The following ANO3 variants were observed in gnomAD, a reference collection of about 807,000 sequenced individuals.
The protein encoded by ANO3 is anoctamin-3.
A neutral mutation model predicts 144.8 loss-of-function variants in ANO3; 99 were observed. That is an observed-to-expected ratio of 0.68 (90% CI 0.58 to 0.81). The LOEUF is 0.81. Ranked by LOEUF, ANO3 falls within the 30% of genes least tolerant of loss-of-function variation. ANO3 has a pLI of 0.00. For synonymous variants in ANO3, 414 were observed against 392.6 expected (o/e 1.05, Z -0.64); for missense variants, 905 against 1,202.2 (o/e 0.75, Z 3.66).
intron 4 of ANO3, among the ~76,000 whole-genome samples, chr11:26,483,158 C>T (rs1038283817): frequency 6.6e-6 from 1 of 151,966 alleles, no homozygotes; most frequent in African/African-American, 2.4e-5. Context: ...GTTTTCCATA[C>T]AGGTAGTATT....
Position 26,246,481 on chromosome 11 carries a change from T to TA in ANO3, c.154+57151_154+57152insA, listed in dbSNP as rs1254552680. On this transcript the variant is annotated intron_variant, in intron 1 of 27. Coordinates refer to the ANO3 transcript ENST00000672621. ...TTATATATATATATATATATATATA[T>TA]TATGAGTATAAACTGAACATCTTAT... 1.1e-3 allele frequency among the ~76,000 whole-genome samples: 164 copies of TA among 147,566 alleles called. 1 individual carries two copies. Among genetic ancestry groups the TA allele is most frequent in the African/African-American group, 3.2e-3 (128 of 40,528 alleles).
At chr11:26,217,019 C>T (rs977980836) in intron 1 of ANO3, among the ~76,000 whole-genome samples, 53 of 151,940 alleles carry the variant, frequency 3.5e-4, no homozygotes, top group Non-Finnish European at 6.8e-4. Context: ...GTAGCTTATG[C>T]TTTCATTCTC....
At chr11:26,519,245 A>G (rs1022239761) in intron 6 of ANO3, among the ~76,000 whole-genome samples, 1 of 152,196 alleles carries the variant, frequency 6.6e-6, no homozygotes, top group Non-Finnish European at 1.5e-5. Context: ...CTGAATGAAT[A>G]TGGTATAAAA....
At chr11:26,535,776 G>A (rs745411029) in intron 9 of ANO3, among the ~76,000 whole-genome samples, 2 of 151,104 alleles carry the variant, frequency 1.3e-5, no homozygotes, top group African/African-American at 4.9e-5. Context: ...GTAGACACGG[G>A]GTTTCACTGT....
intron 1 of ANO3, among the ~76,000 whole-genome samples, chr11:26,388,703 AT>A (rs1206924182): frequency 6.6e-6 from 1 of 152,136 alleles, no homozygotes; most frequent in African/African-American, 2.4e-5. Flanking sequence ...ATCATGACTG[AT>A]TTTTTATATT....
At chr11:26,656,012 A>G in intron 24 of ANO3, 113 bp from the exon 25 acceptor site, 2 of 835,354 alleles carry the variant, frequency 2.4e-6, no homozygotes, top group Non-Finnish European at 3.7e-6. Flanking sequence ...CTAAAAGTTT[A>G]TCATTAGAAT....
chr11:26,404,341 T>C (rs1857223080), intron 1 of ANO3, among the ~76,000 whole-genome samples: 1 of 151,878 alleles, frequency 6.6e-6, no homozygotes, highest in African/African-American at 2.4e-5. Flanking sequence ...ATTCTGGGCT[T>C]ACATAGTTTA....
At chr11:26,262,027 T>C (rs1853201979) in intron 1 of ANO3, among the ~76,000 whole-genome samples, 1 of 152,214 alleles carries the variant, frequency 6.6e-6, no homozygotes, top group African/African-American at 2.4e-5. Context: ...TATCATCGTC[T>C]GTGATAGCAG....
At chr11:26,600,055 C>T (rs1311167763) in intron 17 of ANO3, among the ~76,000 whole-genome samples, 1 of 151,958 alleles carries the variant, frequency 6.6e-6, no homozygotes, top group Non-Finnish European at 1.5e-5. Context: ...TTAAAATCAT[C>T]CCAATAAACT....
chr11:26,412,008 A>G (rs890415176), intron 1 of ANO3, among the ~76,000 whole-genome samples: 4 of 152,156 alleles, frequency 2.6e-5, no homozygotes, highest in African/African-American at 7.2e-5. Flanking sequence ...CATCAAATCA[A>G]TCATTACACA....
intron 10 of ANO3, among the ~76,000 whole-genome samples, 157 bp downstream of exon 10, chr11:26,537,618 T>C (rs972750387): frequency 6.6e-6 from 1 of 152,192 alleles, no homozygotes; most frequent in Non-Finnish European, 1.5e-5. Context: ...TTTGTGGCTG[T>C]GCACTGGCTC....
At chr11:26,653,118 T>C (rs1335963281) in intron 24 of ANO3, among the ~76,000 whole-genome samples, 1 of 152,162 alleles carries the variant, frequency 6.6e-6, no homozygotes, top group Non-Finnish European at 1.5e-5. Flanking sequence ...TCTAATTCAG[T>C]TTCATGGATC....
intron 6 of ANO3, among the ~76,000 whole-genome samples, chr11:26,525,325 AT>A (rs1359043203): frequency 6.6e-6 from 1 of 152,106 alleles, no homozygotes; most frequent in Non-Finnish European, 1.5e-5. Flanking sequence ...TAAGAAAATA[AT>A]TCAATTAGTA....
intron 1 of ANO3, among the ~76,000 whole-genome samples, chr11:26,378,418 T>TC (rs1201897115): frequency 0.099 from 3,560 of 36,104 alleles, 151 homozygotes; most frequent in African/African-American, 0.19. Context: ...ATATATATTA[T>TC]TTATCTATCT....
At chr11:26,384,624 T>G (rs563832180) in intron 1 of ANO3, among the ~76,000 whole-genome samples, 16 of 152,196 alleles carry the variant, frequency 1.1e-4, no homozygotes, top group Non-Finnish European at 1.9e-4. Flanking sequence ...TCCTTTTAGT[T>G]CTACTCCAAA....
At chr11:26,624,055 G>A (rs10835026) in intron 17 of ANO3, among the ~76,000 whole-genome samples, 42,333 of 152,042 alleles carry the variant, frequency 0.28, 6,395 homozygotes, top group South Asian at 0.45. Context: ...CAAAGTGCTG[G>A]GATTACAGGC....
rs1304303852 is a variant in ANO3 at position 26,453,548 on chromosome 11, C to T, written c.314-9482C>T. 2.0e-5 allele frequency among the ~76,000 whole-genome samples: 3 copies of T among 152,174 alleles called. No individual in the cohort carries two copies. The East Asian group carries it at 5.8e-4, about 29-fold the overall frequency. Reference sequence around the variant, plus strand: ...GAGCTAACTATCCTAAATATATATGCACCCAATACAGGAGCACCCAGATTC... The same window carrying T: ...GAGCTAACTATCCTAAATATATATGTACCCAATACAGGAGCACCCAGATTC... On this transcript the variant is annotated intron_variant, in intron 3 of 26. Coordinates refer to ENST00000256737, the MANE Select transcript of ANO3 (RefSeq NM_031418.4).
chr11:26,312,243 A>G (rs549669173), intron 1 of ANO3, among the ~76,000 whole-genome samples: 4 of 152,300 alleles, frequency 2.6e-5, no homozygotes, highest in Admixed American at 6.5e-5. Context: ...CCAGTCTATC[A>G]TTGATGGACA....
intron 1 of ANO3, among the ~76,000 whole-genome samples, chr11:26,348,218 C>T (rs776588213): frequency 6.6e-6 from 1 of 152,030 alleles, no homozygotes; most frequent in South Asian, 2.1e-4. Flanking sequence ...AAATTCTTTA[C>T]GAAGTTAGAT....
Sources: gnomAD v4.1 joint callset for allele counts (sites outside exome capture counted in the v4.1 genomes callset) on GRCh38, gnomAD v4.1.1 for gene constraint, MANE v1.5 for transcripts, NCBI Gene and HGNC (gene_info 2026-07-23, HGNC 2026-07-21) for gene names.